COL17A1: variants seen among roughly 807,000 people sequenced by gnomAD.
The protein encoded by COL17A1 is collagen type XVII alpha 1 chain.
COL17A1 carries 181 observed loss-of-function variants against 218.4 expected under a neutral mutation model. The ratio of observed to expected loss-of-function variants is 0.83; its 90% CI spans 0.73 to 0.94. The LOEUF (loss-of-function observed/expected upper bound fraction) is 0.94. Ranked by LOEUF, COL17A1 falls within the 40% of genes least tolerant of loss-of-function variation. The probability of loss-of-function intolerance (pLI) is 0.00; values close to 1 mark genes in which losing one functional copy is unlikely to be tolerated. For synonymous variants in COL17A1, 721 were observed against 731.0 expected (o/e 0.99, Z 0.22); for missense variants, 1,924 against 1,945.9 (o/e 0.99, Z 0.21).
chr10:104,054,698 T>C (rs910117003), intron 20 of COL17A1, among the ~76,000 whole-genome samples: 1 of 152,162 alleles, frequency 6.6e-6, no homozygotes, highest in Non-Finnish European at 1.5e-5. Flanking sequence ...CCTGCCCACA[T>C]GCATACCCCC....
chr10:104,041,845 G>A (rs114377692), intron 36 of COL17A1, among the ~76,000 whole-genome samples: 1,782 of 152,284 alleles, frequency 0.012, 32 homozygotes, highest in African/African-American at 0.041. Flanking sequence ...CACACGTCTA[G>A]CTGGTGACTT....
chr10:104,060,734 A>G (rs1283258266), intron 13 of COL17A1, among the ~76,000 whole-genome samples: 1 of 152,108 alleles, frequency 6.6e-6, no homozygotes, highest in African/African-American at 2.4e-5. Flanking sequence ...TCTCTACCAC[A>G]TTACTTATTG....
At chr10:104,072,123 T>C in intron 7 of COL17A1, 44 bp from the exon 8 acceptor site, 1 of 1,613,338 alleles carries the variant, frequency 6.2e-7, no homozygotes, top group South Asian at 1.1e-5. Flanking sequence ...TGAAGGAGCT[T>C]AGATCACAAT....
intron 51 of COL17A1, 92 bp downstream of exon 51, chr10:104,034,529 T>C: frequency 6.5e-7 from 1 of 1,546,654 alleles, no homozygotes; most frequent in Non-Finnish European, 8.8e-7. Flanking sequence ...TCGTGTGGCC[T>C]TCCTGTCCCT....
rs2086507014 is a variant in COL17A1 at position 104,055,065 on chromosome 10, C to G, written c.1718-58G>C. On this transcript the variant is annotated intron_variant, in intron 19 of 55. Transcript: ENST00000648076. Reference sequence around the variant, plus strand: ...GGGGCAAGAACCCAAAGGCCATACTCTGCCTTGTATTTTAAAACCATTTGA... The same window carrying G: ...GGGGCAAGAACCCAAAGGCCATACTGTGCCTTGTATTTTAAAACCATTTGA... 2.5e-6 allele frequency: 4 copies of G among 1,611,574 alleles called. 1 individual carries two copies. The South Asian group carries it at 4.4e-5, about 18-fold the overall frequency.
intron 17 of COL17A1, 28 bp from the exon 18 acceptor site, chr10:104,056,031 A>G: frequency 6.2e-7 from 1 of 1,613,536 alleles, no homozygotes; most frequent in Non-Finnish European, 8.5e-7. Flanking sequence ...ACACTGCGTC[A>G]CTGAGGGCCC....
chr10:104,069,877 C>T (rs1004735029), intron 9 of COL17A1, among the ~76,000 whole-genome samples: 3 of 151,938 alleles, frequency 2.0e-5, no homozygotes, highest in Admixed American at 6.6e-5. Context: ...AACAGCTAAA[C>T]GAGGGTGAAC....
chr10:104,039,306 G>T, intron 43 of COL17A1, 139 bp downstream of exon 43: 2 of 1,082,398 alleles, frequency 1.8e-6, no homozygotes, highest in Non-Finnish European at 2.8e-6. Flanking sequence ...TCCACCCTCT[G>T]GCCTTTCCTT....
In COL17A1 at chr10:104,043,490, AAT is replaced by A; in HGVS notation, c.2515+9_2515+10del. On this transcript the variant is annotated intron_variant, in intron 35 of 55. Transcript: ENST00000648076. ...TTGCTGATTTGGGGCAAAGCAAGAA[AAT>A]AGACTGACCTGGGGCACCTGGAGGT... 6.2e-7 allele frequency: 1 copy of A among 1,613,184 alleles called. No homozygotes were observed. The highest frequency in any genetic ancestry group is 8.5e-7 in the Non-Finnish European group (1 of 1,179,584).
rs777005173 is a variant in COL17A1 at position 104,041,065 on chromosome 10, C to T, written c.2701G>A (p.Glu901Lys). Residue 901 changes from glutamate to lysine, a missense_variant and splice_region_variant, in exon 39 of 56, where the codon GAA becomes AAA. Coordinates refer to ENST00000648076, the MANE Select transcript of COL17A1 (RefSeq NM_000494.4). ...GPPGSFLSNS[E>K]TFLSGPPGPP... ...GTGCGACTTGACTCCCTGACATTAC[C>T]TGAGTTGGACAGGAACGATCCTGGT... 21 of 1,614,086 alleles carry T rather than the reference C, an allele frequency of 1.3e-5. No individual in the cohort carries two copies. The East Asian group carries it at 4.7e-4, about 36-fold the overall frequency.
rs781467374 is a variant in COL17A1 at position 104,037,747 on chromosome 10, C to T, written c.3097G>A (p.Gly1033Arg). 37 of 1,613,960 alleles carry T rather than the reference C, an allele frequency of 2.3e-5. No individual in the cohort carries two copies. Among genetic ancestry groups the T allele is most frequent in the East Asian group, 8.9e-5 (4 of 44,882 alleles). Residue 1033 changes from glycine to arginine, a missense_variant, in exon 46 of 56, where the codon GGA (glycine) becomes AGA (arginine). Gly to Arg is a moderately radical substitution (Grantham distance 125). Transcript: ENST00000648076. ...GGTGGGCCTGGGGGACCCTGAACTCCGGATAGGTAAGATCTAATACTGTCA... is the reference window on the plus strand; with the variant it reads ...GGTGGGCCTGGGGGACCCTGAACTCTGGATAGGTAAGATCTAATACTGTCA... Reference protein sequence around the residue: ...QSDSIRSYLSGVQGPPGPPGP... With the variant: ...QSDSIRSYLSRVQGPPGPPGP...
chr10:104,064,189 C>T (rs921843258), intron 10 of COL17A1, among the ~76,000 whole-genome samples: 1 of 152,212 alleles, frequency 6.6e-6, no homozygotes, highest in African/African-American at 2.4e-5. Context: ...TCTCCTACAT[C>T]CATTTTCAGT....
At position 104,056,927 on chromosome 10, in the gene COL17A1, T is replaced by C. The variant is rs805696; in HGVS notation, c.1465+48A>G. ...CTGCCCTTCTGACAGGCAGTGGGGC[T>C]GGCCTGCCTCCTACCACACAGGCTG... On this transcript the variant is annotated intron_variant, in intron 17 of 55. Coordinates refer to ENST00000648076, the MANE Select transcript of COL17A1 (RefSeq NM_000494.4). 0.98 allele frequency: 1,514,540 copies of C among 1,550,004 alleles called. 741,793 individuals are homozygous for C. Among genetic ancestry groups the C allele is most frequent in the Non-Finnish European group, 1 (1,144,442 of 1,147,616 alleles).
At chr10:104,055,224 C>A in intron 19 of COL17A1, 148 bp downstream of exon 19, 1 of 1,481,090 alleles carries the variant, frequency 6.8e-7, no homozygotes, top group Non-Finnish European at 9.3e-7. Flanking sequence ...ACTCTAAAAC[C>A]AACAGATACC....
chr10:104,076,411 T>A lies in COL17A1; in HGVS notation c.221A>T (p.His74Leu), dbSNP rs1352482674. 1 of 1,614,068 alleles carries A rather than the reference T, an allele frequency of 6.2e-7. No individual in the cohort carries two copies. The highest frequency in any genetic ancestry group is 2.2e-5 in the East Asian group (1 of 44,880). The change falls in exon 5 of 56, where the codon CAT becomes CTT. Residue 74 changes from histidine to leucine, a missense_variant. By Grantham distance (99) the His-to-Leu change is moderately conservative. Transcript: ENST00000648076. Reference sequence around the variant, plus strand: ...CCTCCTGTAACTAGAGGTGGAGGCATGGCCTCGTGTGCTTCCAGCTGCAAG... The same window carrying A: ...CCTCCTGTAACTAGAGGTGGAGGCAAGGCCTCGTGTGCTTCCAGCTGCAAG... ...YINSTGSTRG[H>L]ASTSSYRRAH...
At chr10:104,055,222 ACCAACAGATACCTC>A (rs2086508836) in intron 19 of COL17A1, 136 bp downstream of exon 19, 2 of 1,475,546 alleles carry the variant, frequency 1.4e-6, no homozygotes, top group East Asian at 2.3e-5. Context: ...TGACTCTAAA[ACCAACAGATACCTC>A]CCAACAGATA....
rs749779322 is a variant in COL17A1 at position 104,033,220 on chromosome 10, G to A, written c.4294+18C>T. On this transcript the variant is annotated intron_variant, in intron 53 of 55. Coordinates refer to ENST00000648076, the MANE Select transcript of COL17A1 (RefSeq NM_000494.4). ...ATGCAGTGAGGCAGGTGCTGGGAAAGCAGTTGGATGCCCTTACTTTGGAAG... is the reference window on the plus strand; with the variant it reads ...ATGCAGTGAGGCAGGTGCTGGGAAAACAGTTGGATGCCCTTACTTTGGAAG... 8.5e-5 allele frequency: 134 copies of A among 1,576,506 alleles called. No homozygotes were observed. The South Asian group carries it at 1.5e-3, about 18-fold the overall frequency.
intron 35 of COL17A1, 47 bp downstream of exon 35, chr10:104,043,454 G>A (rs372559149): frequency 2.6e-5 from 39 of 1,529,316 alleles, no homozygotes; most frequent in East Asian, 4.5e-5. Flanking sequence ...AGTCACTACC[G>A]CCAAGACCTA....
rs551922294 is a variant in COL17A1, at chr10:104,037,601, A to C, written c.3208+35T>G. The C allele has an allele frequency of 4.6e-5, 74 of 1,613,644 alleles. 2 individuals carry two copies. The South Asian group carries it at 7.7e-4, about 17-fold the overall frequency. On this transcript the variant is annotated intron_variant, in intron 46 of 55. Transcript: ENST00000648076. ...GGAGCAAAAGCAGACCCACAGGAGG[A>C]AGGTGCCAGGTGCAGGGCGTGGGGA... is the stretch of plus-strand genomic sequence containing the variant.
Sources: gnomAD v4.1 joint callset for allele counts (sites outside exome capture counted in the v4.1 genomes callset) on GRCh38, gnomAD v4.1.1 for gene constraint, MANE v1.5 for transcripts, NCBI Gene and HGNC (gene_info 2026-07-23, HGNC 2026-07-21) for gene names.